The following SMPD4 variants were observed in gnomAD, a reference collection of about 807,000 sequenced individuals.
SMPD4 encodes the protein sphingomyelin phosphodiesterase 4, also known as neutral sphingomyelinase 3.
Under a neutral mutation model 97.8 loss-of-function variants are expected in SMPD4, and 58 were observed. The observed-to-expected ratio is 0.59, with a 90% CI of 0.48 to 0.74. The LOEUF (loss-of-function observed/expected upper bound fraction) is 0.74. SMPD4 is among the 30% of genes least tolerant of loss of function. The pLI is 0.00. For missense variants in SMPD4, 853 were observed against 1,080.5 expected, an observed-to-expected ratio of 0.79 and a Z score of 2.95; for synonymous variants, 388 against 450.0, an observed-to-expected ratio of 0.86 and a Z score of 1.74.
At chr2:130,179,923 G>A (rs1689356101) in intron 1 of SMPD4, among the ~76,000 whole-genome samples, 1 of 151,720 alleles carries the variant, frequency 6.6e-6, no homozygotes, top group Non-Finnish European at 1.5e-5. Flanking sequence ...AAAGTGCAGA[G>A]ATTACAGACG....
intron 11 of SMPD4, chr2:130,158,378 C>T (rs1271436241): frequency 1.4e-5 from 7 of 504,970 alleles, no homozygotes; most frequent in South Asian, 4.4e-5. Flanking sequence ...AGCACAGTGG[C>T]GCAATCTCGG....
intron 7 of SMPD4, 51 bp downstream of exon 7, chr2:130,172,574 A>G: frequency 6.2e-7 from 1 of 1,613,834 alleles, no homozygotes; most frequent in African/African-American, 1.3e-5. Flanking sequence ...AGTGCAGGGA[A>G]GCCCTGGGCC....
At chr2:130,158,155 G>C in intron 11 of SMPD4, 1 of 1,244,630 alleles carries the variant, frequency 8.0e-7, no homozygotes, top group Non-Finnish European at 1.0e-6. Flanking sequence ...GAACCCCATG[G>C]CTTCACTTTC....
chr2:130,176,441 G>A lies in SMPD4; in HGVS notation c.39+113C>T, dbSNP rs560391913. The A allele has an allele frequency of 1.2e-5, 9 of 746,000 alleles. No homozygotes were observed. The Admixed American group carries it at 2.5e-4, about 21-fold the overall frequency. 46.2% of individuals were successfully genotyped at this position (746,000 alleles called of 1,614,324 possible). On this transcript the variant is annotated intron_variant, in intron 2 of 19. Coordinates refer to ENST00000680298, the MANE Select transcript of SMPD4 (RefSeq NM_017951.5). ...GAGTCTGCCATTGTTTCCATCACAT[G>A]CCCCTAAAAAACAACCACTACAGAG...
chr2:130,152,714 G>C lies in SMPD4; in HGVS notation c.2325C>G (p.Gly775=). The part of the protein sequence containing the change: ...RGPRLSLRFL[G]SYRTLVSLLL... ...GCAGCGAGACCAGCGTCCGGTAACTGCCCAGGAAGCGCAGGCTGAGCCTGG... is the reference window on the plus strand; with the variant it reads ...GCAGCGAGACCAGCGTCCGGTAACTCCCCAGGAAGCGCAGGCTGAGCCTGG... The change falls in exon 20 of 20, where the codon GGC becomes GGG. Residue 775 remains glycine, a synonymous_variant. Transcript: ENST00000680298. 1 of 1,582,154 alleles carries C rather than the reference G, an allele frequency of 6.3e-7. No individual in the cohort carries two copies. The highest frequency in any genetic ancestry group is 8.6e-7 in the Non-Finnish European group (1 of 1,165,376).
intron 9 of SMPD4, among the ~76,000 whole-genome samples, chr2:130,164,866 G>A (rs973574261): frequency 2.0e-5 from 3 of 152,116 alleles, no homozygotes; most frequent in African/African-American, 7.2e-5. Context: ...AGCACTTTGG[G>A]AGGCCGAGGT....
At chr2:130,156,198 C>T (rs1686786211) in intron 13 of SMPD4, 63 bp from the exon 14 acceptor site, 9 of 1,450,748 alleles carry the variant, frequency 6.2e-6, no homozygotes, top group Non-Finnish European at 8.6e-6. Context: ...TGGCCTGGAG[C>T]CCAGATACCA....
upstream of SMPD4, chr2:130,181,697 G>A: frequency 6.5e-7 from 1 of 1,549,266 alleles, no homozygotes; most frequent in Non-Finnish European, 8.7e-7. Flanking sequence ...CAAAGCGAAG[G>A]CCGGCCGGGC....
chr2:130,166,428 G>A lies in SMPD4; in HGVS notation c.792+1030C>T, dbSNP rs3791250. ...CCTCTTCATGGCCAGCACAGCCTACGGTCCACACAGCCAAGAGCCATCTGG... is the reference window on the plus strand; with the variant it reads ...CCTCTTCATGGCCAGCACAGCCTACAGTCCACACAGCCAAGAGCCATCTGG... On this transcript the variant is annotated intron_variant, in intron 9 of 19. Coordinates refer to ENST00000680298, the MANE Select transcript of SMPD4 (RefSeq NM_017951.5). Among the ~76,000 whole-genome samples the A allele has an allele frequency of 3.5e-4, 53 of 152,046 alleles. No homozygotes were observed. The East Asian group carries it at 9.5e-3, about 27-fold the overall frequency.
intron 11 of SMPD4, among the ~76,000 whole-genome samples, chr2:130,160,684 C>CT (rs1433918203): frequency 6.6e-6 from 1 of 151,900 alleles, no homozygotes; most frequent in Non-Finnish European, 1.5e-5. Flanking sequence ...CCTTCCCACC[C>CT]CCTGCCTCAC....
At chr2:130,157,628 G>GCCCAGCGCCCACACAGCC (rs1686948016) in intron 11 of SMPD4, 1 of 801,610 alleles carries the variant, frequency 1.2e-6, no homozygotes, top group Non-Finnish European at 1.9e-6. Flanking sequence ...GAAGTGCTTG[G>GCCCAGCGCCCACACAGCC]CCCAGCGCCC....
rs372871934 is a variant in SMPD4 at position 130,152,577 on chromosome 2, C to T, written c.2462G>A (p.Arg821Gln). Residue 821 changes from arginine to glutamine, a missense_variant, in exon 20 of 20, where the codon CGG becomes CAG. Around this residue, in one of 3 missense-constraint regions of SMPD4, gnomAD observed 511 missense variants for 608.1 expected, o/e 0.84. Transcript: ENST00000680298. ...CCTTCAGGGCTGGTGCAGCTTCCCC[C>T]GCTCGGTCAGCAGTGTCATGGCAGA... ...YASAMTLLTE[R>Q]GKLHQP 1.3e-5 allele frequency: 20 copies of T among 1,548,006 alleles called. No individual in the cohort carries two copies. The highest frequency in any genetic ancestry group is 1.4e-5 in the Non-Finnish European group (16 of 1,145,588).
At chr2:130,169,588 A>C (rs1253483211) in intron 8 of SMPD4, among the ~76,000 whole-genome samples, 2 of 151,282 alleles carry the variant, frequency 1.3e-5, no homozygotes, top group Non-Finnish European at 2.9e-5. Context: ...TCCCTGAGAC[A>C]GGATCTTGTT....
In SMPD4 at chr2:130,165,659, A is replaced by C. The variant is rs144035054; in HGVS notation, c.793-1214T>G. On this transcript the variant is annotated intron_variant, in intron 9 of 19. Coordinates refer to ENST00000680298, the MANE Select transcript of SMPD4 (RefSeq NM_017951.5). ...GCATACTCTGGGTATGAGATCTAGG[A>C]GTCAACTCCATAGAAACAGAGAGCA... is the stretch of plus-strand genomic sequence containing the variant. Among the ~76,000 whole-genome samples, 942 of 152,360 alleles carry C rather than the reference A, an allele frequency of 6.2e-3. 6 individuals carry two copies. The highest frequency in any genetic ancestry group is 0.02 in the African/African-American group (839 of 41,588).
Position 130,172,613 on chromosome 2 carries a change from T to C in SMPD4, c.507+12A>G. On this transcript the variant is annotated intron_variant, in intron 7 of 19. Coordinates refer to ENST00000680298, the MANE Select transcript of SMPD4 (RefSeq NM_017951.5). ...GCCCCACCTCTCCCAGCAAAAGGCA[T>C]CCCTTCCTTACCTTCTGAGTGATGA... 4 of 1,614,168 alleles carry C rather than the reference T, an allele frequency of 2.5e-6. No homozygotes were observed. The Middle Eastern group carries it at 4.9e-4, about 200-fold the overall frequency.
chr2:130,166,271 T>C (rs1687916233), intron 9 of SMPD4, among the ~76,000 whole-genome samples: 2 of 126,594 alleles, frequency 1.6e-5, no homozygotes, highest in Non-Finnish European at 3.1e-5. Context: ...ATTGAGCCAC[T>C]GCACTCCAGC....
At chr2:130,155,994 G>A in intron 14 of SMPD4, 41 bp downstream of exon 14, 1 of 1,587,632 alleles carries the variant, frequency 6.3e-7, no homozygotes, top group Non-Finnish European at 8.6e-7. Flanking sequence ...TATCCACCTG[G>A]GGGAGCCAGT....
Position 130,154,489 on chromosome 2 carries a change from G to A in SMPD4, c.1454-7C>T, listed in dbSNP as rs1453199860. ...TCCAGGAATAGCTGCTCACCTAGAA[G>A]GCAGGAGACGAACCTGGCACCCACT... is the stretch of plus-strand genomic sequence containing the variant. On this transcript the variant is annotated splice_polypyrimidine_tract_variant and splice_region_variant and intron_variant, in intron 15 of 19. Transcript: ENST00000680298. The A allele has an allele frequency of 1.9e-6, 3 of 1,552,134 alleles. No homozygotes were observed. Among genetic ancestry groups the A allele is most frequent in the Non-Finnish European group, 2.6e-6 (3 of 1,147,424 alleles).
intron 14 of SMPD4, among the ~76,000 whole-genome samples, chr2:130,155,470 G>A (rs772533091): frequency 1.3e-5 from 2 of 152,136 alleles, no homozygotes; most frequent in Non-Finnish European, 2.9e-5. Context: ...CTCTGAGGAT[G>A]CCACATCCTT....
Sources: allele counts gnomAD v4.1 joint callset (sites outside exome capture counted in the v4.1 genomes callset), GRCh38; gene constraint gnomAD v4.1.1; regional missense constraint gnomAD v4.1.1; transcripts MANE v1.5; gene names NCBI Gene and HGNC (gene_info 2026-07-23, HGNC 2026-07-21).